CLEC17A: variants seen among roughly 807,000 people sequenced by gnomAD.
The protein encoded by CLEC17A is C-type lectin domain family 17, member A.
CLEC17A carries 37 observed loss-of-function variants against 61.3 expected under a neutral mutation model. That is an observed-to-expected ratio of 0.60 (90% CI 0.46 to 0.79). CLEC17A has a LOEUF of 0.79. CLEC17A is among the 30% of genes least tolerant of loss of function. The probability of loss-of-function intolerance (pLI) is 0.00; values close to 1 mark genes in which losing one functional copy is unlikely to be tolerated. For missense variants in CLEC17A, 418 were observed against 464.7 expected, an observed-to-expected ratio of 0.90 and a Z score of 0.92; for synonymous variants, 168 against 164.9, an observed-to-expected ratio of 1.02 and a Z score of -0.14.
At chr19:14,604,373 T>C (rs1304988035) in intron 12 of CLEC17A, among the ~76,000 whole-genome samples, 1 of 152,178 alleles carries the variant, frequency 6.6e-6, no homozygotes, top group Non-Finnish European at 1.5e-5. Context: ...CACATTTTTT[T>C]TTCCATCAAA....
At chr19:14,583,543 C>T in intron 2 of CLEC17A, 109 bp downstream of exon 2, 1 of 1,548,204 alleles carries the variant, frequency 6.5e-7, no homozygotes, top group Non-Finnish European at 8.7e-7. Context: ...GTATCCAGCC[C>T]ATGCCGGGCA....
chr19:14,598,536 C>G (rs771423534), intron 10 of CLEC17A, among the ~76,000 whole-genome samples: 3 of 151,724 alleles, frequency 2.0e-5, no homozygotes, highest in African/African-American at 4.8e-5. Flanking sequence ...TACAGTGGCG[C>G]GATCTCAGCT....
chr19:14,599,150 T>C (rs896227480), intron 10 of CLEC17A, among the ~76,000 whole-genome samples: 1 of 138,630 alleles, frequency 7.2e-6, no homozygotes, highest in African/African-American at 2.7e-5. Context: ...CACAGTGGTG[T>C]GATCTTGGCT....
At chr19:14,583,645 G>A (rs2074219338) in intron 2 of CLEC17A, among the ~76,000 whole-genome samples, 1 of 152,034 alleles carries the variant, frequency 6.6e-6, no homozygotes. Flanking sequence ...TGAGAGAGGA[G>A]GGGTCAGGAG....
chr19:14,598,303 T>TC (rs1491203811), intron 10 of CLEC17A, among the ~76,000 whole-genome samples: 2 of 112,724 alleles, frequency 1.8e-5, no homozygotes, highest in African/African-American at 5.5e-5. Flanking sequence ...TTGTTCTTTC[T>TC]TTCTCTCTCT....
intron 4 of CLEC17A, among the ~76,000 whole-genome samples, chr19:14,592,614 T>G (rs1156274522): frequency 1.3e-5 from 2 of 151,882 alleles, no homozygotes; most frequent in Admixed American, 1.3e-4. Context: ...GAGAGCTCAA[T>G]TAGAGGAAGG....
intron 3 of CLEC17A, among the ~76,000 whole-genome samples, chr19:14,591,898 A>ATGTG (rs747656450): frequency 0.21 from 29,604 of 138,782 alleles, 3,021 homozygotes; most frequent in African/African-American, 0.32. Context: ...CCGGAGAAAA[A>ATGTG]TGTGTGTGTG....
rs762401802 is a variant in CLEC17A, at chr19:14,610,093, T to A, written c.1034T>A (p.Ile345Asn). ...TGGGAGCCAGAGGAACCCAATAACA[T>A]CCACGATGAGGACTGTGCTACCATG... Reference protein sequence around the residue: ...SFWEPEEPNNIHDEDCATMNK... With the variant: ...SFWEPEEPNNNHDEDCATMNK... Residue 345 changes from isoleucine to asparagine, a missense_variant, in exon 14 of 14, where the codon ATC (isoleucine) becomes AAC (asparagine). Ile to Asn is a moderately radical substitution (Grantham distance 149, BLOSUM62 -3). Transcript: ENST00000417570. The A allele has an allele frequency of 1.9e-6, 3 of 1,613,306 alleles. No individual in the cohort carries two copies. Among genetic ancestry groups the A allele is most frequent in the Admixed American group, 1.7e-5 (1 of 59,934 alleles).
At chr19:14,592,397 G>A (rs771054636) in intron 4 of CLEC17A, 39 bp downstream of exon 4, 2 of 1,611,090 alleles carry the variant, frequency 1.2e-6, no homozygotes, top group Non-Finnish European at 1.7e-6. Flanking sequence ...GGGGAATACA[G>A]GGAACAGGGT....
chr19:14,599,954 G>T, intron 11 of CLEC17A, 77 bp from the exon 12 acceptor site: 1 of 1,567,158 alleles, frequency 6.4e-7, no homozygotes. Flanking sequence ...TGTACAGCCT[G>T]CACAACTGTA....
In CLEC17A at chr19:14,591,949, A is replaced by G. The variant is rs111632809; in HGVS notation, c.200-332A>G. 3.9e-3 allele frequency among the ~76,000 whole-genome samples: 515 copies of G among 133,004 alleles called. 1 individual carries two copies. The highest frequency in any genetic ancestry group is 0.014 in the African/African-American group (440 of 32,554). The allele number at this position is 133,004 out of a possible 152,430, so 87.3% of individuals were successfully genotyped here. ...GTGTGTGTGTGTTTGTGTGAGGTCCAGGGGCTTCCCCCCAAGATGGATTTG... is the reference window on the plus strand; with the variant it reads ...GTGTGTGTGTGTTTGTGTGAGGTCCGGGGGCTTCCCCCCAAGATGGATTTG... On this transcript the variant is annotated intron_variant, in intron 3 of 13. Coordinates refer to ENST00000417570, the MANE Select transcript of CLEC17A (RefSeq NM_001204118.2).
At chr19:14,593,506 TA>T (rs1332276982) in intron 4 of CLEC17A, among the ~76,000 whole-genome samples, 2 of 151,200 alleles carry the variant, frequency 1.3e-5, no homozygotes, top group South Asian at 2.1e-4. Flanking sequence ...TTTTTCAAAT[TA>T]AAAAAATTAG....
intron 12 of CLEC17A, among the ~76,000 whole-genome samples, chr19:14,603,277 C>T (rs1291179275): frequency 2.0e-5 from 3 of 152,108 alleles, no homozygotes; most frequent in African/African-American, 7.2e-5. Context: ...GAGCACACAT[C>T]GGGTCTTTGC....
intron 8 of CLEC17A, among the ~76,000 whole-genome samples, chr19:14,596,288 G>T (rs984834585): frequency 2.6e-5 from 4 of 152,002 alleles, no homozygotes; most frequent in Admixed American, 2.0e-4. Flanking sequence ...TTGCAAAATG[G>T]GAATAATGCT....
Position 14,597,021 on chromosome 19 carries a change from G to A in CLEC17A, c.583+8G>A, listed in dbSNP as rs775626660. On this transcript the variant is annotated splice_region_variant and intron_variant, in intron 9 of 13. Coordinates refer to ENST00000417570, the MANE Select transcript of CLEC17A (RefSeq NM_001204118.2). Reference sequence around the variant, plus strand: ...CTGTGACCCTGATTAAGTGTGAGTAGGGCCAGGAAGGGACATGGGGAGAGA... The same window carrying A: ...CTGTGACCCTGATTAAGTGTGAGTAAGGCCAGGAAGGGACATGGGGAGAGA... The A allele has an allele frequency of 1.2e-6, 2 of 1,610,204 alleles. No homozygotes were observed. Among genetic ancestry groups the A allele is most frequent in the South Asian group, 1.1e-5 (1 of 90,238 alleles).
rs1262366644 is a variant in CLEC17A, at chr19:14,600,051, C to T, written c.763C>T (p.Pro255Ser). 2 of 1,613,894 alleles carry T rather than the reference C, an allele frequency of 1.2e-6. No homozygotes were observed. Among genetic ancestry groups the T allele is most frequent in the East Asian group, 2.2e-5 (1 of 44,902 alleles). ...GLLDCRRITC[P>S]EGWLPFEGKC... ...CCCAGACTGCCGCCGAATTACCTGT[C>T]CTGAAGGCTGGCTGCCCTTTGAGGG... The change falls in exon 12 of 14, where the codon CCT becomes TCT. Residue 255 changes from proline to serine, a missense_variant. Physicochemically the swap from Pro to Ser is moderately conservative, Grantham distance 74. Coordinates refer to ENST00000417570, the MANE Select transcript of CLEC17A (RefSeq NM_001204118.2).
Position 14,599,718 on chromosome 19 carries a change from G to A in CLEC17A, c.648G>A (p.Met216Ile). The A allele has an allele frequency of 1.9e-6, 3 of 1,613,318 alleles. No individual in the cohort carries two copies. The highest frequency in any genetic ancestry group is 2.5e-6 in the Non-Finnish European group (3 of 1,179,350). ...CCTCAAGCCCATCCCTTCTGACAGT[G>A]ACTGGCATGGCAGGGCTAGCTGGCC... ...SFQQMTWRTNMTGMAGLAGLK... is the reference protein window; with the variant it reads ...SFQQMTWRTNITGMAGLAGLK... The change falls in exon 11 of 14, where the codon ATG becomes ATA. Residue 216 changes from methionine to isoleucine, a missense_variant and splice_region_variant. Coordinates refer to ENST00000417570, the MANE Select transcript of CLEC17A (RefSeq NM_001204118.2).
chr19:14,582,130 G>A (rs2074188822), upstream of CLEC17A, among the ~76,000 whole-genome samples: 1 of 152,064 alleles, frequency 6.6e-6, no homozygotes, highest in Non-Finnish European at 1.5e-5. Flanking sequence ...CATCTTCAAA[G>A]CCAGCATAAC....
chr19:14,583,009 G>C, upstream of CLEC17A: 1 of 705,422 alleles, frequency 1.4e-6, no homozygotes, highest in Non-Finnish European at 2.4e-6. Flanking sequence ...GCACGTGTGA[G>C]GTCTGAGGGC....
Sources: gnomAD v4.1 joint callset for allele counts (sites outside exome capture counted in the v4.1 genomes callset) on GRCh38, gnomAD v4.1.1 for gene constraint, MANE v1.5 for transcripts, NCBI Gene and HGNC (gene_info 2026-07-23, HGNC 2026-07-21) for gene names.